The following CUL3 variants were observed in gnomAD, a reference collection of about 807,000 sequenced individuals.
CUL3 encodes cullin 3.
Under a neutral mutation model 89.1 loss-of-function variants are expected in CUL3, and 19 were observed. The observed-to-expected ratio is 0.21, with a 90% confidence interval of 0.15 to 0.31. The LOEUF (loss-of-function observed/expected upper bound fraction) is 0.31, where lower values mean the gene tolerates loss of function less well. Ranked by LOEUF, CUL3 falls within the 10% of genes least tolerant of loss-of-function variation. The pLI is 1.00. For missense variants in CUL3, 469 were observed against 942.3 expected (o/e 0.50, Z 6.58); for synonymous variants, 351 against 308.4 (o/e 1.14, Z -1.45).
intron 3 of CUL3, among the ~76,000 whole-genome samples, chr2:224,531,905 T>G (rs1008818777): frequency 1.3e-5 from 2 of 152,296 alleles, no homozygotes; most frequent in Non-Finnish European, 1.5e-5. Context: ...GTGAACACTG[T>G]AAGACTAGCA....
At chr2:224,499,189 T>C (rs1421117383) in intron 11 of CUL3, among the ~76,000 whole-genome samples, 7 of 152,232 alleles carry the variant, frequency 4.6e-5, no homozygotes, top group Non-Finnish European at 1.0e-4. Context: ...ATTCAAGATA[T>C]ATTCAAACAA....
At chr2:224,520,369 C>G (rs1693218043) in intron 3 of CUL3, among the ~76,000 whole-genome samples, 1 of 152,230 alleles carries the variant, frequency 6.6e-6, no homozygotes. Context: ...CCCCTTTTCA[C>G]AGCTGGTTCT....
chr2:224,582,645 T>C (rs148988744), intron 1 of CUL3, among the ~76,000 whole-genome samples: 3 of 152,300 alleles, frequency 2.0e-5, no homozygotes, highest in Non-Finnish European at 4.4e-5. Flanking sequence ...AATTAGCTCA[T>C]AATCATAACG....
At chr2:224,535,345 T>A (rs1367557710) in intron 3 of CUL3, among the ~76,000 whole-genome samples, 183 bp downstream of exon 3, 2 of 152,176 alleles carry the variant, frequency 1.3e-5, no homozygotes, top group African/African-American at 4.8e-5. Context: ...AATTTTTGTA[T>A]TTTTAGTAGA....
At chr2:224,583,850 T>A (rs1159087279) in intron 1 of CUL3, among the ~76,000 whole-genome samples, 1 of 152,216 alleles carries the variant, frequency 6.6e-6, no homozygotes. Context: ...CTTTAAAAAG[T>A]GACAACAAAT....
chr2:224,572,630 GAAAA>G (rs67105454), intron 1 of CUL3, among the ~76,000 whole-genome samples: 5 of 86,286 alleles, frequency 5.8e-5, no homozygotes, highest in Non-Finnish European at 4.5e-5. Flanking sequence ...GAGAGTGAGA[GAAAA>G]AAAAAAAAAA....
intron 2 of CUL3, among the ~76,000 whole-genome samples, chr2:224,542,556 CGTGTGT>C (rs35806786): frequency 3.9e-4 from 58 of 150,488 alleles, no homozygotes; most frequent in East Asian, 9.8e-4. Context: ...TGTGCGTGTG[CGTGTGT>C]GTGTGTGTGC....
intron 3 of CUL3, among the ~76,000 whole-genome samples, chr2:224,528,353 C>A (rs1338969710): frequency 1.3e-5 from 2 of 152,146 alleles, no homozygotes; most frequent in Non-Finnish European, 2.9e-5. Context: ...CGCCTTTTTT[C>A]TCTGACTGAC....
chr2:224,488,503 C>T (rs559237140), intron 13 of CUL3, among the ~76,000 whole-genome samples: 3 of 152,254 alleles, frequency 2.0e-5, no homozygotes, highest in Admixed American at 2.0e-4. Context: ...TGCAAATAAA[C>T]TAGAAAATCT....
intron 13 of CUL3, among the ~76,000 whole-genome samples, chr2:224,489,581 C>G (rs1386047400): frequency 2.0e-5 from 3 of 152,046 alleles, no homozygotes; most frequent in Admixed American, 6.5e-5. Flanking sequence ...AACTACAAAC[C>G]AAACAAATGG....
chr2:224,511,315 G>C lies in CUL3; in HGVS notation c.883+39C>G, dbSNP rs6743816. The C allele has an allele frequency of 0.22, 305,867 of 1,394,588 alleles. 36,000 individuals are homozygous for C. The highest frequency in any genetic ancestry group is 0.41 in the African/African-American group (28,329 of 68,912). The allele number at this position is 1,394,588 out of a possible 1,614,324, so 86.4% of individuals were successfully genotyped here. On this transcript the variant is annotated intron_variant, in intron 6 of 15. Transcript: ENST00000264414. The stretch of plus-strand genomic sequence containing the variant: ...AAATTTTAAAAATATCGATAAGGCA[G>C]AGTAAGGATTTAATTATTTTTCAAT...
intron 2 of CUL3, among the ~76,000 whole-genome samples, chr2:224,550,956 T>C (rs1345179870): frequency 6.6e-6 from 1 of 152,262 alleles, no homozygotes. Context: ...GGCTTCTGCT[T>C]CTCTCTGCAA....
Position 224,471,672 on chromosome 2 carries a change from C to A in CUL3, c.*2573G>T. ...TTTTAAGTTCACTGACATAAAGAAT[C>A]CTTGCAATCACAACCACTTTTTGTG... is the stretch of plus-strand genomic sequence containing the variant. On this transcript the variant is annotated 3_prime_UTR_variant, in exon 16 of 16. Transcript: ENST00000264414. The A allele has an allele frequency of 4.6e-6, 1 of 218,652 alleles. No individual in the cohort carries two copies. Among genetic ancestry groups the A allele is most frequent in the Non-Finnish European group, 9.2e-6 (1 of 108,824 alleles). 13.5% of individuals were successfully genotyped at this position (218,652 alleles called of 1,614,324 possible). A position where few individuals can be genotyped will look rare whatever the true frequency, so the allele number is the denominator to read the frequency against.
rs993823352 is a variant in CUL3 at position 224,485,899 on chromosome 2, C to G, written c.1843-3821G>C. On this transcript the variant is annotated intron_variant, in intron 13 of 15. Coordinates refer to ENST00000264414, the MANE Select transcript of CUL3 (RefSeq NM_003590.5). The surrounding 1 kb of genome is among the most constrained non-coding windows in gnomAD (Gnocchi z 4.1). ...TGGCAGGTGCCCCTCTGGGACAAAG[C>G]TTCCAGAGGAAGGAGCAGGCAGCAA... Among the ~76,000 whole-genome samples the G allele has an allele frequency of 3.3e-5, 5 of 152,216 alleles. No homozygotes were observed. The East Asian group carries it at 9.6e-4, about 29-fold the overall frequency.
chr2:224,510,096 G>T (rs942404797), intron 6 of CUL3, among the ~76,000 whole-genome samples: 1 of 152,062 alleles, frequency 6.6e-6, no homozygotes. Flanking sequence ...TTATTGTCTA[G>T]GACTATTTTC....
At chr2:224,507,025 T>G in intron 6 of CUL3, 22 bp from the exon 7 acceptor site, 2 of 1,602,718 alleles carry the variant, frequency 1.2e-6, no homozygotes, top group East Asian at 2.2e-5. Context: ...AAAACACAAA[T>G]TGGCTACATT....
intron 13 of CUL3, among the ~76,000 whole-genome samples, chr2:224,486,313 C>G (rs1295234370): frequency 2.6e-5 from 4 of 152,106 alleles, no homozygotes; most frequent in African/African-American, 9.7e-5. Context: ...CAACAAACTC[C>G]TCTGAGCTAA....
At chr2:224,580,937 A>C (rs1352631425) in intron 1 of CUL3, among the ~76,000 whole-genome samples, 1 of 152,018 alleles carries the variant, frequency 6.6e-6, no homozygotes, top group Non-Finnish European at 1.5e-5. Context: ...TGGGGAATGA[A>C]AGAAATGGGG....
At chr2:224,513,375 T>TA in intron 5 of CUL3, 149 bp downstream of exon 5, 1 of 581,286 alleles carries the variant, frequency 1.7e-6, no homozygotes, top group Non-Finnish European at 3.0e-6. Context: ...GGTCAGAATG[T>TA]GAGGTAGTGT....
Sources: gnomAD v4.1 joint callset for allele counts (sites outside exome capture counted in the v4.1 genomes callset) on GRCh38, gnomAD v4.1.1 for gene constraint, Gnocchi (gnomAD v3.1) non-coding constraint, MANE v1.5 for transcripts, NCBI Gene and HGNC (gene_info 2026-07-23, HGNC 2026-07-21) for gene names.